The following RB1 variants were observed in gnomAD, a reference collection of about 807,000 sequenced individuals.
The protein encoded by RB1 is retinoblastoma-associated protein.
Under a neutral mutation model 135.4 loss-of-function variants are expected in RB1, and 18 were observed. The ratio of observed to expected loss-of-function variants is 0.13; its 90% CI spans 0.09 to 0.20. The LOEUF is 0.20. RB1 is among the 10% of genes least tolerant of loss of function. RB1 has a pLI of 1.00. For synonymous variants in RB1, 365 were observed against 373.2 expected (o/e 0.98, Z 0.25); for missense variants, 868 against 1,110.0 (o/e 0.78, Z 3.10).
chr13:48,303,897 G>C lies in RB1; in HGVS notation c.-16G>C, dbSNP rs1318101975. On this transcript the variant is annotated 5_prime_UTR_variant, in exon 1 of 27. Coordinates refer to ENST00000267163, the MANE Select transcript of RB1 (RefSeq NM_000321.3). ...GCTCCTCCACAGCTCGCTGGCTCCC[G>C]CCGCGGAAAGGCGTCATGCCGCCCA... 2.0e-6 allele frequency: 3 copies of C among 1,514,380 alleles called. No homozygotes were observed. Among genetic ancestry groups the C allele is most frequent in the Non-Finnish European group, 2.6e-6 (3 of 1,138,530 alleles). The allele number at this position is 1,514,380 out of a possible 1,614,324, so 93.8% of individuals were successfully genotyped here.
intron 17 of RB1, chr13:48,445,314 A>G (rs1363487275): frequency 6.6e-6 from 1 of 152,202 alleles, no homozygotes; most frequent in Non-Finnish European, 1.5e-5. Flanking sequence ...AGCTATCTCT[A>G]TATTAGTGAC....
intron 2 of RB1, chr13:48,320,014 T>A (rs1186627403): frequency 9.1e-6 from 4 of 441,220 alleles, no homozygotes; most frequent in Non-Finnish European, 1.7e-5. Flanking sequence ...AAGGCTGGGC[T>A]GCGCCTGGCT....
chr13:48,368,619 AC>A lies in RB1; in HGVS notation c.1127+16del, dbSNP rs2138123576. ...ACTCCAGTTAGGTATGAATTTTCCTACTTTTAATTATATTATAATTTTGTTA... is the reference window on the plus strand; with the variant it reads ...ACTCCAGTTAGGTATGAATTTTCCTATTTTAATTATATTATAATTTTGTTA... On this transcript the variant is annotated intron_variant, in intron 11 of 26. Transcript: ENST00000267163. 6.2e-7 allele frequency: 1 copy of A among 1,609,740 alleles called. No homozygotes were observed. The highest frequency in any genetic ancestry group is 1.1e-5 in the South Asian group (1 of 90,332).
intron 10 of RB1, 85 bp downstream of exon 10, chr13:48,367,688 GA>G: frequency 6.8e-7 from 1 of 1,464,060 alleles, no homozygotes; most frequent in South Asian, 1.2e-5. Flanking sequence ...TTAGCTTAGT[GA>G]CCTTTAGATA....
intron 2 of RB1, chr13:48,316,729 ACACACACAC>A (rs1952187072): frequency 2.3e-4 from 1 of 4,294 alleles, no homozygotes. Context: ...TCACACACAC[ACACACACAC>A]ACACACACAC....
At chr13:48,361,466 A>G (rs1454037976) in intron 7 of RB1, among the ~76,000 whole-genome samples, 2 of 152,108 alleles carry the variant, frequency 1.3e-5, no homozygotes, top group Non-Finnish European at 2.9e-5. Flanking sequence ...CAGTTCCCCC[A>G]GCTGTATTAT....
At chr13:48,309,968 A>G (rs945356687) in intron 2 of RB1, among the ~76,000 whole-genome samples, 2 of 152,148 alleles carry the variant, frequency 1.3e-5, no homozygotes, top group Admixed American at 6.5e-5. Context: ...GGAGCTCATA[A>G]TGGGGACTAG....
intron 17 of RB1, among the ~76,000 whole-genome samples, chr13:48,441,562 G>GT (rs1949237089): frequency 1.3e-5 from 2 of 152,150 alleles, no homozygotes; most frequent in Admixed American, 1.3e-4. Flanking sequence ...GGAACTTGGA[G>GT]TAGGTCCACC....
chr13:48,411,527 C>T lies in RB1; in HGVS notation c.1695+30084C>T, dbSNP rs754798982. ...ACCAGTTTTTCATTTTTATTGAATT[C>T]TGAATTGTGTCCGATGTAAAGTAGT... On this transcript the variant is annotated intron_variant, in intron 17 of 26. Coordinates refer to ENST00000267163, the MANE Select transcript of RB1 (RefSeq NM_000321.3). 8 of 1,613,170 alleles carry T rather than the reference C, an allele frequency of 5.0e-6. No homozygotes were observed. The East Asian group carries it at 1.6e-4, about 31-fold the overall frequency.
chr13:48,359,457 A>G (rs995285177), intron 6 of RB1, among the ~76,000 whole-genome samples: 3 of 148,796 alleles, frequency 2.0e-5, no homozygotes, highest in Admixed American at 2.0e-4. Context: ...ATTATTTTAA[A>G]TTTTTAGATA....
intron 3 of RB1, 21 bp downstream of exon 3, chr13:48,342,735 A>G (rs2138084217): frequency 6.7e-7 from 1 of 1,487,892 alleles, no homozygotes; most frequent in Non-Finnish European, 9.4e-7. Flanking sequence ...TTGTATAAAT[A>G]TAAGCCTCTG....
At chr13:48,324,136 G>A (rs78610001) in intron 2 of RB1, among the ~76,000 whole-genome samples, 3,168 of 152,110 alleles carry the variant, frequency 0.021, 93 homozygotes, top group African/African-American at 0.07. Flanking sequence ...CATATAATGT[G>A]TAATGACCAA....
In RB1 at chr13:48,319,609, G is replaced by A; in HGVS notation, c.264+12203G>A. ...GGCTGCACGTTCGTCTTTGCTAACC[G>A]GGGAGGTTTGCGAAAGGCGAACTCT... On this transcript the variant is annotated intron_variant, in intron 2 of 26. Coordinates refer to ENST00000267163, the MANE Select transcript of RB1 (RefSeq NM_000321.3). The surrounding 1 kb of genome is among the most constrained non-coding windows in gnomAD (Gnocchi z 5.0). The A allele has an allele frequency of 3.9e-6, 1 of 253,258 alleles. No individual in the cohort carries two copies. The highest frequency in any genetic ancestry group is 5.6e-5 in the South Asian group (1 of 18,004). 15.7% of individuals were successfully genotyped at this position (253,258 alleles called of 1,614,324 possible).
At chr13:48,315,308 G>C (rs1367433704) in intron 2 of RB1, among the ~76,000 whole-genome samples, 1 of 152,142 alleles carries the variant, frequency 6.6e-6, no homozygotes, top group South Asian at 2.1e-4. Flanking sequence ...ATTGTGAGTG[G>C]GTTGCATTCT....
chr13:48,454,546 C>A (rs1474537288), intron 18 of RB1, among the ~76,000 whole-genome samples: 1 of 152,166 alleles, frequency 6.6e-6, no homozygotes, highest in Admixed American at 6.5e-5. Flanking sequence ...GGTCCTTCCC[C>A]TCATAGAGCT....
At chr13:48,363,507 T>A (rs1398158131) in intron 8 of RB1, among the ~76,000 whole-genome samples, 1 of 152,134 alleles carries the variant, frequency 6.6e-6, no homozygotes, top group East Asian at 1.9e-4. Flanking sequence ...CAGTGAGACA[T>A]GATTGCACCA....
At chr13:48,439,781 T>C (rs943122830) in intron 17 of RB1, 1 of 152,148 alleles carries the variant, frequency 6.6e-6, no homozygotes, top group East Asian at 1.9e-4. Flanking sequence ...AAATAGGCTT[T>C]GGGGAAGGTT....
intron 2 of RB1, among the ~76,000 whole-genome samples, chr13:48,331,531 A>G (rs1952336631): frequency 6.6e-6 from 1 of 152,182 alleles, no homozygotes; most frequent in Non-Finnish European, 1.5e-5. Flanking sequence ...TCACCATGCG[A>G]TACCCTGCAC....
At chr13:48,346,310 A>G (rs1952496559) in intron 4 of RB1, among the ~76,000 whole-genome samples, 1 of 151,228 alleles carries the variant, frequency 6.6e-6, no homozygotes, top group South Asian at 2.1e-4. Context: ...ATCACTTTTC[A>G]TATTTTAGAA....
Sources: gnomAD v4.1 joint callset for allele counts (sites outside exome capture counted in the v4.1 genomes callset) on GRCh38, gnomAD v4.1.1 for gene constraint, Gnocchi (gnomAD v3.1) non-coding constraint, MANE v1.5 for transcripts, NCBI Gene and HGNC (gene_info 2026-07-23, HGNC 2026-07-21) for gene names.